Variants in PPP1R9A observed in about 807,000 individuals in gnomAD.
PPP1R9A encodes the protein neurabin-1.
PPP1R9A carries 59 observed loss-of-function variants against 141.9 expected under a neutral mutation model. The ratio of observed to expected loss-of-function variants is 0.42; its 90% CI spans 0.34 to 0.52. The LOEUF is 0.52. Among genes scored for constraint, PPP1R9A ranks in the 20% least tolerant of loss-of-function variants. The pLI is 0.10. For synonymous variants in PPP1R9A, 500 were observed against 569.7 expected (o/e 0.88, Z 1.74); for missense variants, 1,444 against 1,611.9 (o/e 0.90, Z 1.78).
intron 2 of PPP1R9A, among the ~76,000 whole-genome samples, chr7:94,922,664 A>T (rs1023650720): frequency 2.6e-5 from 4 of 152,186 alleles, no homozygotes; most frequent in African/African-American, 9.6e-5. Context: ...CATTTCTGTC[A>T]TATTTTTACT....
At chr7:95,137,352 G>GCGATA (rs1458194512) in intron 4 of PPP1R9A, among the ~76,000 whole-genome samples, 1 of 137,614 alleles carries the variant, frequency 7.3e-6, no homozygotes, top group Non-Finnish European at 1.5e-5. Flanking sequence ...TTTTGTCCTT[G>GCGATA]CGATAGTTTG....
chr7:95,242,349 A>G (rs1797571661), intron 8 of PPP1R9A, among the ~76,000 whole-genome samples: 1 of 152,170 alleles, frequency 6.6e-6, no homozygotes, highest in African/African-American at 2.4e-5. Context: ...CAACAGCAGA[A>G]AATGTTGCCC....
At position 95,080,330 on chromosome 7, in the gene PPP1R9A, C is replaced by T. The variant is rs903291071; in HGVS notation, c.1396-30929C>T. Among the ~76,000 whole-genome samples the T allele has an allele frequency of 2.0e-4, 30 of 151,718 alleles. 1 individual carries two copies. The highest frequency in any genetic ancestry group is 3.4e-3 in the Middle Eastern group (1 of 292). On this transcript the variant is annotated intron_variant, in intron 2 of 19. Coordinates refer to ENST00000433360, the MANE Select transcript of PPP1R9A (RefSeq NM_001166160.2). ...AGAGAGCCAAATCATGAGTGAACTCCCATTCACAATTGCTTCAAAGAGAAT... is the reference window on the plus strand; with the variant it reads ...AGAGAGCCAAATCATGAGTGAACTCTCATTCACAATTGCTTCAAAGAGAAT...
intron 2 of PPP1R9A, among the ~76,000 whole-genome samples, chr7:95,100,938 C>T (rs1467302178): frequency 2.7e-5 from 4 of 148,676 alleles, no homozygotes; most frequent in East Asian, 2.0e-4. Context: ...CTGCAAGCTC[C>T]GCCTCCCGGG....
At chr7:95,093,711 C>A (rs1817653780) in intron 2 of PPP1R9A, among the ~76,000 whole-genome samples, 1 of 152,070 alleles carries the variant, frequency 6.6e-6, no homozygotes, top group African/African-American at 2.4e-5. Context: ...AACAAATGTT[C>A]CTTTTTTGGT....
intron 8 of PPP1R9A, among the ~76,000 whole-genome samples, chr7:95,237,791 A>C (rs1796919908): frequency 6.6e-6 from 1 of 152,140 alleles, no homozygotes; most frequent in South Asian, 2.1e-4. Context: ...TCATAATAAA[A>C]AATTAACTCT....
chr7:95,158,408 A>G (rs143578775), intron 4 of PPP1R9A, among the ~76,000 whole-genome samples: 1 of 152,310 alleles, frequency 6.6e-6, no homozygotes, highest in African/African-American at 2.4e-5. Context: ...TGATCCTAGC[A>G]CTTTGGGATG....
At chr7:94,970,780 A>G (rs1444872400) in intron 2 of PPP1R9A, among the ~76,000 whole-genome samples, 2 of 151,794 alleles carry the variant, frequency 1.3e-5, no homozygotes, top group African/African-American at 4.8e-5. Context: ...GGACTACTTA[A>G]TTTTACATTG....
At chr7:95,200,920 T>C (rs932504079) in intron 6 of PPP1R9A, among the ~76,000 whole-genome samples, 1 of 152,154 alleles carries the variant, frequency 6.6e-6, no homozygotes, top group African/African-American at 2.4e-5. Context: ...AGAGTTGAAA[T>C]TGGAATAAAG....
intron 4 of PPP1R9A, among the ~76,000 whole-genome samples, chr7:95,121,776 G>T (rs546106756): frequency 6.6e-6 from 1 of 152,160 alleles, no homozygotes; most frequent in Admixed American, 6.5e-5. Context: ...GCAAGAAGGG[G>T]CAAAACTTGC....
chr7:95,080,203 C>T (rs1411629201), intron 2 of PPP1R9A, among the ~76,000 whole-genome samples: 2 of 152,104 alleles, frequency 1.3e-5, no homozygotes, highest in African/African-American at 2.4e-5. Flanking sequence ...TTGTCTTAGC[C>T]CAAAATCTCC....
intron 4 of PPP1R9A, among the ~76,000 whole-genome samples, chr7:95,145,892 G>A (rs888184684): frequency 6.6e-6 from 1 of 152,154 alleles, no homozygotes; most frequent in Non-Finnish European, 1.5e-5. Flanking sequence ...TCTTTATCCA[G>A]TCTATCATTG....
chr7:95,206,384 G>C (rs1481537443), intron 7 of PPP1R9A, among the ~76,000 whole-genome samples: 1 of 151,990 alleles, frequency 6.6e-6, no homozygotes, highest in Non-Finnish European at 1.5e-5. Context: ...ATTTGACATA[G>C]AGTGAAATGC....
chr7:95,090,903 C>G (rs1817259431), intron 2 of PPP1R9A, among the ~76,000 whole-genome samples: 1 of 151,970 alleles, frequency 6.6e-6, no homozygotes, highest in South Asian at 2.1e-4. Flanking sequence ...TATGTACATA[C>G]TGATGTAGTT....
chr7:95,014,191 A>C (rs1804790555), intron 2 of PPP1R9A, among the ~76,000 whole-genome samples: 1 of 152,102 alleles, frequency 6.6e-6, no homozygotes, highest in African/African-American at 2.4e-5. Context: ...CCGTTGGCCC[A>C]GTAATGTCCT....
intron 2 of PPP1R9A, among the ~76,000 whole-genome samples, chr7:95,100,064 CATGTGTGTGT>C (rs1818556211): frequency 6.6e-6 from 1 of 151,628 alleles, no homozygotes. Context: ...TGTGTGTATG[CATGTGTGTGT>C]ATGTGTGTGC....
chr7:95,021,318 T>G (rs527722237), intron 2 of PPP1R9A, among the ~76,000 whole-genome samples: 1 of 41,298 alleles, frequency 2.4e-5, no homozygotes, highest in African/African-American at 7.4e-5. Context: ...ATGGGGTTGG[T>G]TTTTTTTTTT....
chr7:95,105,427 G>A (rs1819374788), intron 2 of PPP1R9A, among the ~76,000 whole-genome samples: 1 of 152,142 alleles, frequency 6.6e-6, no homozygotes, highest in Non-Finnish European at 1.5e-5. Context: ...CAGTGGATGA[G>A]GTCTTGTTTT....
chr7:95,138,195 G>A (rs1422065427), intron 4 of PPP1R9A, among the ~76,000 whole-genome samples: 1 of 152,132 alleles, frequency 6.6e-6, no homozygotes, highest in Non-Finnish European at 1.5e-5. Flanking sequence ...GTCTCCCAAA[G>A]TGCTGGGATT....
Sources: gnomAD v4.1 joint callset for allele counts (sites outside exome capture counted in the v4.1 genomes callset) on GRCh38, gnomAD v4.1.1 for gene constraint, MANE v1.5 for transcripts, NCBI Gene and HGNC (gene_info 2026-07-23, HGNC 2026-07-21) for gene names.